The following MAP3K20 variants were observed in gnomAD, a reference collection of about 807,000 sequenced individuals.
MAP3K20 encodes the protein HCCS-4.
In MAP3K20, 40 loss-of-function variants were observed where a neutral mutation model predicts 85.7. The observed-to-expected ratio is 0.47, with a 90% confidence interval of 0.36 to 0.61. The LOEUF is 0.61. Ranked by LOEUF, MAP3K20 falls within the 20% of genes least tolerant of loss-of-function variation. The probability of loss-of-function intolerance (pLI) is 0.00; values close to 1 mark genes in which losing one functional copy is unlikely to be tolerated. For synonymous variants in MAP3K20, 325 were observed against 327.7 expected, an observed-to-expected ratio of 0.99 and a Z score of 0.09; for missense variants, 817 against 961.7, an observed-to-expected ratio of 0.85 and a Z score of 1.99.
At chr2:173,255,762 T>C (rs1231105914) in intron 16 of MAP3K20, among the ~76,000 whole-genome samples, 2 of 152,188 alleles carry the variant, frequency 1.3e-5, no homozygotes, top group African/African-American at 4.8e-5. Flanking sequence ...TTTGACTAAC[T>C]TAATTCCCAA....
At chr2:173,132,431 C>CT (rs1388861291) in intron 2 of MAP3K20, among the ~76,000 whole-genome samples, 1 of 152,180 alleles carries the variant, frequency 6.6e-6, no homozygotes, top group Non-Finnish European at 1.5e-5. Flanking sequence ...AGAATCCTCT[C>CT]CGAATGAGCA....
intron 2 of MAP3K20, among the ~76,000 whole-genome samples, chr2:173,136,014 A>T (rs999159775): frequency 1.3e-5 from 2 of 152,222 alleles, no homozygotes; most frequent in South Asian, 4.1e-4. Flanking sequence ...ACTGCTTTTT[A>T]GTTTAGATAT....
intron 1 of MAP3K20, among the ~76,000 whole-genome samples, chr2:173,085,784 ATTTTTTTTTTTTTTT>A (rs61431056): frequency 9.5e-5 from 7 of 73,738 alleles, no homozygotes; most frequent in African/African-American, 2.7e-4. Flanking sequence ...TGTAAAAGCA[ATTTTTTTTTTTTTTT>A]TTTTTTTTTT....
chr2:173,077,379 CAAAAAAA>C lies in MAP3K20; in HGVS notation c.-35+1391_-35+1397del, dbSNP rs35541382. ...AAATTTCACTTGTTTTTCAATTTTC[CAAAAAAA>C]AAAAAAAAAAAAAGTGATGGCTGCA... On this transcript the variant is annotated intron_variant, in intron 1 of 19. Coordinates refer to ENST00000375213, the MANE Select transcript of MAP3K20 (RefSeq NM_016653.3). Among the ~76,000 whole-genome samples, 81 of 96,222 alleles carry C rather than the reference CAAAAAAA, an allele frequency of 8.4e-4. No individual in the cohort carries two copies. In the East Asian group the frequency reaches 0.012, roughly 15 times the overall value. The allele number at this position is 96,222 out of a possible 152,430, so 63.1% of individuals were successfully genotyped here.
At chr2:173,124,214 C>T (rs891284318) in intron 2 of MAP3K20, among the ~76,000 whole-genome samples, 1 of 152,210 alleles carries the variant, frequency 6.6e-6, no homozygotes, top group East Asian at 1.9e-4. Flanking sequence ...AGGAACCACA[C>T]TTGGTACCAA....
At chr2:173,234,348 G>A (rs529720387) in intron 14 of MAP3K20, among the ~76,000 whole-genome samples, 40 of 152,296 alleles carry the variant, frequency 2.6e-4, no homozygotes, top group African/African-American at 9.1e-4. Context: ...ACTATTTATT[G>A]TTCAAAAAAT....
At chr2:173,132,284 T>C (rs1380460439) in intron 2 of MAP3K20, among the ~76,000 whole-genome samples, 1 of 152,178 alleles carries the variant, frequency 6.6e-6, no homozygotes, top group East Asian at 1.9e-4. Context: ...CCATTACCTA[T>C]AGAAAACTTC....
At chr2:173,237,059 C>T (rs1043577874) in intron 14 of MAP3K20, among the ~76,000 whole-genome samples, 1 of 125,136 alleles carries the variant, frequency 8.0e-6, no homozygotes, top group African/African-American at 3.0e-5. Context: ...TGGAGTCTCA[C>T]TGTGCCGCTC....
intron 4 of MAP3K20, among the ~76,000 whole-genome samples, chr2:173,186,424 T>C (rs1478709059): frequency 6.6e-6 from 1 of 152,192 alleles, no homozygotes; most frequent in Non-Finnish European, 1.5e-5. Context: ...TTATTTAAGA[T>C]CACATAATTA....
chr2:173,099,903 T>A (rs558439685), intron 2 of MAP3K20, among the ~76,000 whole-genome samples: 1 of 152,346 alleles, frequency 6.6e-6, no homozygotes, highest in East Asian at 1.9e-4. Context: ...AGATCATATA[T>A]GTGAAATGTA....
intron 2 of MAP3K20, among the ~76,000 whole-genome samples, chr2:173,135,451 T>G (rs1688773562): frequency 1.3e-5 from 2 of 152,184 alleles, no homozygotes; most frequent in Admixed American, 1.3e-4. Flanking sequence ...AGCTAAGGAT[T>G]GATAGAGGAT....
At chr2:173,087,295 T>C (rs985556550) in intron 1 of MAP3K20, among the ~76,000 whole-genome samples, 28 of 152,134 alleles carry the variant, frequency 1.8e-4, no homozygotes, top group African/African-American at 6.8e-4. Flanking sequence ...AAAGAGGTGG[T>C]CAGGGATAGG....
At chr2:173,251,174 A>C (rs1685034198) in intron 16 of MAP3K20, among the ~76,000 whole-genome samples, 1 of 152,196 alleles carries the variant, frequency 6.6e-6, no homozygotes, top group East Asian at 1.9e-4. Flanking sequence ...CACAACAGTC[A>C]GTTGTGACTC....
intron 14 of MAP3K20, among the ~76,000 whole-genome samples, chr2:173,233,411 A>G (rs571385693): frequency 2.0e-5 from 3 of 152,340 alleles, no homozygotes; most frequent in South Asian, 4.1e-4. Flanking sequence ...CTCTGTGTTC[A>G]TTGTGGTGGT....
At position 173,242,743 on chromosome 2, in the gene MAP3K20, G is replaced by C. The variant is rs867379340; in HGVS notation, c.1359+3247G>C. On this transcript the variant is annotated intron_variant, in intron 16 of 19. Coordinates refer to ENST00000375213, the MANE Select transcript of MAP3K20 (RefSeq NM_016653.3). ...TTTTTTTAAGACAGAGTCTCCTTCTGTTGCCCAGGCTGGAGTGCAGTGGTG... is the reference window on the plus strand; with the variant it reads ...TTTTTTTAAGACAGAGTCTCCTTCTCTTGCCCAGGCTGGAGTGCAGTGGTG... Among the ~76,000 whole-genome samples, 75 of 105,642 alleles carry C rather than the reference G, an allele frequency of 7.1e-4. 1 individual carries two copies. Among genetic ancestry groups the C allele is most frequent in the Admixed American group, 2.1e-3 (15 of 7,246 alleles). 69.3% of individuals were successfully genotyped at this position (105,642 alleles called of 152,430 possible).
intron 2 of MAP3K20, chr2:173,166,955 C>G (rs1689847122): frequency 6.7e-6 from 1 of 148,638 alleles, no homozygotes; most frequent in Non-Finnish European, 1.5e-5. Context: ...CTCTTTCGCC[C>G]AGGCTGGACT....
chr2:173,122,660 T>TTTG (rs966870282), intron 2 of MAP3K20, among the ~76,000 whole-genome samples: 6 of 152,022 alleles, frequency 3.9e-5, no homozygotes, highest in Non-Finnish European at 8.8e-5. Flanking sequence ...GGACCTACGT[T>TTTG]TTGTTGTTGT....
chr2:173,116,458 A>G (rs935540914), intron 2 of MAP3K20, among the ~76,000 whole-genome samples: 2 of 152,278 alleles, frequency 1.3e-5, no homozygotes, highest in Admixed American at 6.5e-5. Flanking sequence ...TTCTAAATCA[A>G]AATGAGTATG....
intron 11 of MAP3K20, among the ~76,000 whole-genome samples, chr2:173,217,961 C>A (rs891327652): frequency 3.3e-5 from 5 of 152,142 alleles, no homozygotes; most frequent in African/African-American, 1.2e-4. Flanking sequence ...TTTTAGCATT[C>A]TTTCCTATTT....
Sources: allele counts gnomAD v4.1 joint callset (sites outside exome capture counted in the v4.1 genomes callset), GRCh38; gene constraint gnomAD v4.1.1; transcripts MANE v1.5; gene names NCBI Gene and HGNC (gene_info 2026-07-23, HGNC 2026-07-21).